BPHL: variants seen among roughly 807,000 people sequenced by gnomAD.
The protein encoded by BPHL is biphenyl hydrolase like.
A neutral mutation model predicts 31.2 loss-of-function variants in BPHL; 27 were observed. The ratio of observed to expected loss-of-function variants is 0.87; its 90% CI spans 0.64 to 1.19. BPHL has a LOEUF of 1.19. Among genes scored for constraint, BPHL ranks in the 50% most tolerant of loss-of-function variants. The pLI, the probability that BPHL is intolerant of heterozygous loss-of-function variation, is 0.00. For synonymous variants in BPHL, 150 were observed against 146.8 expected, an observed-to-expected ratio of 1.02 and a Z score of -0.16; for missense variants, 356 against 375.7, an observed-to-expected ratio of 0.95 and a Z score of 0.43.
At chr6:3,133,392 T>C (rs1029368422) in intron 4 of BPHL, among the ~76,000 whole-genome samples, 1 of 152,176 alleles carries the variant, frequency 6.6e-6, no homozygotes, top group Admixed American at 6.5e-5. Flanking sequence ...TCCATGATGC[T>C]CTGATAGCAA....
At chr6:3,128,467 G>A (rs1449334913) in intron 3 of BPHL, among the ~76,000 whole-genome samples, 1 of 151,964 alleles carries the variant, frequency 6.6e-6, no homozygotes, top group African/African-American at 2.4e-5. Flanking sequence ...TTTCTTGGCG[G>A]CCTCTCTAAG....
rs149445663 is a variant in BPHL at position 3,136,734 on chromosome 6, A to G, written c.533-628A>G. 3.1e-3 allele frequency among the ~76,000 whole-genome samples: 470 copies of G among 152,394 alleles called. 4 individuals are homozygous for G. The highest frequency in any genetic ancestry group is 0.011 in the African/African-American group (438 of 41,592). On this transcript the variant is annotated intron_variant, in intron 4 of 6. Transcript: ENST00000380379. The stretch of plus-strand genomic sequence containing the variant: ...TATCACAGTGTATTTAAAGAAATAT[A>G]GAAAACATTGGCCTAAGGAATTGCA...
At chr6:3,147,570 A>G (rs1762417668) in intron 6 of BPHL, among the ~76,000 whole-genome samples, 1 of 152,194 alleles carries the variant, frequency 6.6e-6, no homozygotes. Context: ...AATAGCTAAG[A>G]CAACACCATT....
At chr6:3,124,344 G>A (rs1761658789) in intron 2 of BPHL, among the ~76,000 whole-genome samples, 1 of 152,150 alleles carries the variant, frequency 6.6e-6, no homozygotes, top group African/African-American at 2.4e-5. Context: ...GATGTAGAAA[G>A]TTCAAGGGAA....
chr6:3,130,009 GT>G (rs1761830279), intron 4 of BPHL, among the ~76,000 whole-genome samples: 2 of 152,192 alleles, frequency 1.3e-5, no homozygotes, highest in South Asian at 4.1e-4. Flanking sequence ...GTTTCTCCAT[GT>G]TGGTCAGGCT....
Position 3,153,546 on chromosome 6 carries a change from A to C in BPHL, c.*971A>C. The C allele has an allele frequency of 2.1e-6, 1 of 468,080 alleles. No homozygotes were observed. The highest frequency in any genetic ancestry group is 2.7e-5 in the South Asian group (1 of 37,032). 29.0% of individuals were successfully genotyped at this position (468,080 alleles called of 1,614,324 possible). On this transcript the variant is annotated 3_prime_UTR_variant, in exon 7 of 7. Coordinates refer to ENST00000380379, the MANE Select transcript of BPHL (RefSeq NM_004332.4). ...ACTAAAGCAGAAATCCTACATTGCT[A>C]TTAAAATTAAACTTTGATTACCACA...
At chr6:3,134,479 C>T (rs1343087658) in intron 4 of BPHL, among the ~76,000 whole-genome samples, 1 of 148,382 alleles carries the variant, frequency 6.7e-6, no homozygotes. Flanking sequence ...CCACTATTGC[C>T]CAGGCTGGAG....
Position 3,153,196 on chromosome 6 carries a change from G to A in BPHL, c.*621G>A, listed in dbSNP as rs1266365313. The A allele has an allele frequency of 6.5e-6, 1 of 152,758 alleles. No homozygotes were observed. Among genetic ancestry groups the A allele is most frequent in the Non-Finnish European group, 1.5e-5 (1 of 68,492 alleles). 9.5% of individuals were successfully genotyped at this position (152,758 alleles called of 1,614,324 possible). On this transcript the variant is annotated 3_prime_UTR_variant, in exon 7 of 7. Transcript: ENST00000380379. ...TATTTTCAAATAAATTTTAGGTGGA[G>A]AATGTGTAGTGTTAATGTTGGAGAT...
At chr6:3,121,327 GTCTC>G (rs1363775600) in intron 1 of BPHL, among the ~76,000 whole-genome samples, 1 of 121,784 alleles carries the variant, frequency 8.2e-6, no homozygotes, top group Non-Finnish European at 1.6e-5. Flanking sequence ...TTGAGACGGA[GTCTC>G]TCTCTGTCAC....
intron 6 of BPHL, among the ~76,000 whole-genome samples, chr6:3,141,146 A>C (rs1162901827): frequency 1.3e-5 from 2 of 152,252 alleles, no homozygotes; most frequent in African/African-American, 4.8e-5. Context: ...CTTTATAATT[A>C]CTATATCCAT....
chr6:3,143,447 A>G (rs1368819322), intron 6 of BPHL, among the ~76,000 whole-genome samples: 2 of 152,116 alleles, frequency 1.3e-5, no homozygotes, highest in Non-Finnish European at 2.9e-5. Flanking sequence ...AGAATCGCTT[A>G]TTTTTATTTT....
chr6:3,119,557 C>A, intron 1 of BPHL: 1 of 1,610,474 alleles, frequency 6.2e-7, no homozygotes, highest in Non-Finnish European at 8.5e-7. Flanking sequence ...GACCTTCTGT[C>A]TTGAAAATGG....
At chr6:3,148,467 A>G (rs1762437019) in intron 6 of BPHL, among the ~76,000 whole-genome samples, 1 of 152,228 alleles carries the variant, frequency 6.6e-6, no homozygotes, top group Non-Finnish European at 1.5e-5. Flanking sequence ...TTTCAGCTCC[A>G]TAGAAAAGTG....
In BPHL at chr6:3,152,421, GGAGA is replaced by G. The variant is rs1447226429; in HGVS notation, c.789-65_789-62del. 4 of 1,330,844 alleles carry G rather than the reference GGAGA, an allele frequency of 3.0e-6. No individual in the cohort carries two copies. The East Asian group carries it at 7.0e-5, about 23-fold the overall frequency. 82.4% of individuals were successfully genotyped at this position (1,330,844 alleles called of 1,614,324 possible). On this transcript the variant is annotated intron_variant, in intron 6 of 6. Transcript: ENST00000380379. Reference sequence around the variant, plus strand: ...ACTTTAGATGTTTGTGAAATGTTGGGGAGAGTGAGGGGTTTGTTCTTAAGTGGTG... The same window carrying G: ...ACTTTAGATGTTTGTGAAATGTTGGGGTGAGGGGTTTGTTCTTAAGTGGTG...
chr6:3,118,566 G>T (rs947362714), upstream of BPHL: 1 of 434,898 alleles, frequency 2.3e-6, no homozygotes, highest in African/African-American at 2.0e-5. Context: ...AGTTTCGGTC[G>T]CCCATGGGAA....
intron 1 of BPHL, among the ~76,000 whole-genome samples, chr6:3,123,291 C>A (rs923080775): frequency 1.3e-5 from 2 of 152,164 alleles, no homozygotes; most frequent in African/African-American, 2.4e-5. Flanking sequence ...ATATTAAATT[C>A]GTGCTGTTAA....
At chr6:3,145,861 C>T (rs1275948846) in intron 6 of BPHL, among the ~76,000 whole-genome samples, 4 of 22,486 alleles carry the variant, frequency 1.8e-4, no homozygotes, top group Admixed American at 4.3e-4. Context: ...CTGGTTCCGG[C>T]TGGAGTGCTG....
At chr6:3,138,408 A>G (rs1439268354) in intron 5 of BPHL, 1 of 160,576 alleles carries the variant, frequency 6.2e-6, no homozygotes, top group African/African-American at 2.4e-5. Context: ...GTTTATTTTC[A>G]TACAGCTGTT....
In BPHL at chr6:3,118,755, G is replaced by A. The variant is rs1423080514; in HGVS notation, c.15G>A (p.Leu5=). The A allele has an allele frequency of 7.9e-7, 1 of 1,259,084 alleles. No individual in the cohort carries two copies. Among genetic ancestry groups the A allele is most frequent in the Non-Finnish European group, 1.0e-6 (1 of 998,248 alleles). 78.0% of individuals were successfully genotyped at this position (1,259,084 alleles called of 1,614,324 possible). A position where few individuals can be genotyped will look rare whatever the true frequency, so the allele number is the denominator to read the frequency against. Residue 5 remains leucine, a synonymous_variant, in exon 1 of 7, where the codon CTG becomes CTA. Transcript: ENST00000380379. MVAV[L]GGRGVLRLRL... is the part of the protein sequence containing the mutation. ...GACCTGTGACCATGGTGGCTGTGCTGGGCGGCCGGGGCGTGTTGCGCCTGC... is the reference window on the plus strand; with the variant it reads ...GACCTGTGACCATGGTGGCTGTGCTAGGCGGCCGGGGCGTGTTGCGCCTGC...
Sources: allele counts gnomAD v4.1 joint callset (sites outside exome capture counted in the v4.1 genomes callset), GRCh38; gene constraint gnomAD v4.1.1; transcripts MANE v1.5; gene names NCBI Gene and HGNC (gene_info 2026-07-23, HGNC 2026-07-21).